The following CHRD variants were observed in gnomAD, a reference collection of about 807,000 sequenced individuals.
CHRD encodes chordin.
CHRD carries 69 observed loss-of-function variants against 113.7 expected under a neutral mutation model. That is an observed-to-expected ratio of 0.61 (90% confidence interval 0.50 to 0.74). The LOEUF is 0.74. Among genes scored for constraint, CHRD ranks in the 30% least tolerant of loss-of-function variants. The pLI, the probability that CHRD is intolerant of heterozygous loss-of-function variation, is 0.00. For missense variants in CHRD, 1,194 were observed against 1,295.8 expected (o/e 0.92, Z 1.21); for synonymous variants, 561 against 540.8 (o/e 1.04, Z -0.52).
At position 184,380,471 on chromosome 3, in the gene CHRD, G is replaced by T. The variant is rs1043394021; in HGVS notation, c.148+5G>T. ...TGCCCGTTCGGGGAGCGGCAGGTAG[G>T]TGGGCGCCCGGGGGAGGCGCGGGCG... On this transcript the variant is annotated splice_donor_5th_base_variant and intron_variant, in intron 1 of 22. Coordinates refer to ENST00000204604, the Ensembl canonical transcript of CHRD. This position sits in a 1 kb window ranked among gnomAD's most constrained non-coding sequence, Gnocchi z 6.3. The T allele has an allele frequency of 1.1e-4, 128 of 1,186,216 alleles. No individual in the cohort carries two copies. Among genetic ancestry groups the T allele is most frequent in the Non-Finnish European group, 1.3e-4 (127 of 956,256 alleles). 73.5% of individuals were successfully genotyped at this position (1,186,216 alleles called of 1,614,324 possible).
At position 184,383,658 on chromosome 3, in the gene CHRD, G is replaced by A. The variant is rs974909953; in HGVS notation, c.1440+16G>A. On this transcript the variant is annotated intron_variant, in intron 12 of 22. Coordinates refer to ENST00000204604, the Ensembl canonical transcript of CHRD. ...AGGACACACGGTGAGGGCTCCAGGT[G>A]GAGCTGGACCCCAGGGCCCAATGCA... 23 of 1,595,030 alleles carry A rather than the reference G, an allele frequency of 1.4e-5. No homozygotes were observed. The highest frequency in any genetic ancestry group is 2.2e-5 in the East Asian group (1 of 44,684).
chr3:184,384,873 TAA>T lies in CHRD; in HGVS notation c.1598-142_1598-141del. The T allele has an allele frequency of 2.5e-6, 3 of 1,198,630 alleles. No homozygotes were observed. Among genetic ancestry groups the T allele is most frequent in the Non-Finnish European group, 3.5e-6 (3 of 849,096 alleles). The allele number at this position is 1,198,630 out of a possible 1,614,324, so 74.2% of individuals were successfully genotyped here. On this transcript the variant is annotated intron_variant, in intron 13 of 22. Transcript: ENST00000204604. The surrounding 1 kb of genome is among the most constrained non-coding windows in gnomAD (Gnocchi z 4.4). ...TTCCTGTTGCTGAGGTTCAAGGGTC[TAA>T]AACTTGCTGCTCTCCAGGCCCTGGA...
At position 184,384,569 on chromosome 3, in the gene CHRD, AG is replaced by A; in HGVS notation, c.1477del (p.Ala493LeufsTer11). Reference sequence around the variant, plus strand: ...GTATCTGCCCTGGGCTGGGTGCCCGAGGGGCTCATATGCTGCTGCAGAATGA... The same window carrying A: ...GTATCTGCCCTGGGCTGGGTGCCCGAGGGCTCATATGCTGCTGCAGAATGA... On this transcript the variant is annotated frameshift_variant, in exon 13 of 23. Transcript: ENST00000204604. LOFTEE classifies it high-confidence loss of function. This position sits in a 1 kb window ranked among gnomAD's most constrained non-coding sequence, Gnocchi z 4.4. 1 of 1,592,500 alleles carries A rather than the reference AG, an allele frequency of 6.3e-7. No individual in the cohort carries two copies. The highest frequency in any genetic ancestry group is 8.5e-7 in the Non-Finnish European group (1 of 1,169,614).
Position 184,382,852 on chromosome 3 carries a change from G to T in CHRD, c.983-4G>T. Reference sequence around the variant, plus strand: ...CAGAAAGGCCCACATGTGCGGCCTTGCAGGACTAACCCAGGTTCCCTTGAG... The same window carrying T: ...CAGAAAGGCCCACATGTGCGGCCTTTCAGGACTAACCCAGGTTCCCTTGAG... On this transcript the variant is annotated splice_polypyrimidine_tract_variant and splice_region_variant and intron_variant, in intron 8 of 22. Transcript: ENST00000204604. The T allele has an allele frequency of 6.2e-7, 1 of 1,613,014 alleles. No individual in the cohort carries two copies. Among genetic ancestry groups the T allele is most frequent in the Non-Finnish European group, 8.5e-7 (1 of 1,179,258 alleles).
In CHRD at chr3:184,381,146, G is replaced by A; in HGVS notation, c.253-89G>A. The A allele has an allele frequency of 2.1e-6, 3 of 1,460,228 alleles. No homozygotes were observed. Among genetic ancestry groups the A allele is most frequent in the East Asian group, 2.3e-5 (1 of 44,204 alleles). The allele number at this position is 1,460,228 out of a possible 1,614,324, so 90.5% of individuals were successfully genotyped here. A position where few individuals can be genotyped will look rare whatever the true frequency, so the allele number is the denominator to read the frequency against. ...CACGCAGCTTGTAAGTGGCAGAGCT[G>A]GCTGACTCTGCGGGACATCCTTGCC... On this transcript the variant is annotated intron_variant, in intron 2 of 22. Transcript: ENST00000204604. The surrounding 1 kb of genome is among the most constrained non-coding windows in gnomAD (Gnocchi z 4.7).
At position 184,381,503 on chromosome 3, in the gene CHRD, C is replaced by T; in HGVS notation, c.390C>T (p.Ser130=). 6.3e-7 allele frequency: 1 copy of T among 1,596,808 alleles called. No individual in the cohort carries two copies. ...TTACCCCCCCGCCCGCAGAGCGCAGCAGTTCGGAGCGGCAGCCGAGCGGCC... is the reference window on the plus strand; with the variant it reads ...TTACCCCCCCGCCCGCAGAGCGCAGTAGTTCGGAGCGGCAGCCGAGCGGCC... Residue 130 remains serine (S), a synonymous_variant, in exon 4 of 23, where the codon AGC becomes AGT. Transcript: ENST00000204604. This position sits in a 1 kb window ranked among gnomAD's most constrained non-coding sequence, Gnocchi z 4.7.
Position 184,386,040 on chromosome 3 carries a change from G to T in CHRD, c.1819-6G>T, listed in dbSNP as rs1414728674. 8 of 1,614,006 alleles carry T rather than the reference G, an allele frequency of 5.0e-6. No homozygotes were observed. The Admixed American group carries it at 1.3e-4, about 27-fold the overall frequency. On this transcript the variant is annotated splice_region_variant and splice_polypyrimidine_tract_variant and intron_variant, in intron 14 of 22. Transcript: ENST00000204604. ...TATTCCTATCCATTGTCCTGTCTAT[G>T]TGCAGGCCCAGGGTGTGGTGAAGGA...
Position 184,385,278 on chromosome 3 carries a change from G to GT in CHRD, c.1818+46dup, listed in dbSNP as rs754848684. The GT allele has an allele frequency of 4.9e-5, 75 of 1,522,436 alleles. No individual in the cohort carries two copies. The East Asian group carries it at 7.0e-4, about 14-fold the overall frequency. The allele number at this position is 1,522,436 out of a possible 1,614,324, so 94.3% of individuals were successfully genotyped here. A position where few individuals can be genotyped will look rare whatever the true frequency, so the allele number is the denominator to read the frequency against. ...GTAGGCGGCAGCTTGGAACATTTCTGTTTTTTAGCTTGAAGGGCTGTGTGG... is the reference window on the plus strand; with the variant it reads ...GTAGGCGGCAGCTTGGAACATTTCTGTTTTTTTAGCTTGAAGGGCTGTGTGG... On this transcript the variant is annotated intron_variant, in intron 14 of 22. Transcript: ENST00000204604.
At position 184,384,647 on chromosome 3, in the gene CHRD, G is replaced by T; in HGVS notation, c.1551G>T (p.Gly517=). The change falls in exon 13 of 23, where the codon GGG becomes GGT. Residue 517 remains glycine (G), a synonymous_variant. Coordinates refer to ENST00000204604, the Ensembl canonical transcript of CHRD. This position sits in a 1 kb window ranked among gnomAD's most constrained non-coding sequence, Gnocchi z 4.4. ...ACTTCCCAGACGGAGAGCTTCGGGG[G>T]CACGTGGCTGCCCTGCCCTACTGTG... 3 of 1,602,062 alleles carry T rather than the reference G, an allele frequency of 1.9e-6. No individual in the cohort carries two copies. The highest frequency in any genetic ancestry group is 2.6e-6 in the Non-Finnish European group (3 of 1,173,924).
Position 184,388,830 on chromosome 3 carries a change from C to G in CHRD, c.2710-63C>G. On this transcript the variant is annotated intron_variant, in intron 21 of 22. Coordinates refer to ENST00000204604, the Ensembl canonical transcript of CHRD. The surrounding 1 kb of genome is among the most constrained non-coding windows in gnomAD (Gnocchi z 6.1). ...CTTCCCAGGGAGGTCCCTGAAGAAG[C>G]TGAAGGTCACTGTGTCCCAGTGCCT... 6.2e-7 allele frequency: 1 copy of G among 1,603,692 alleles called. No homozygotes were observed. Among genetic ancestry groups the G allele is most frequent in the South Asian group, 1.1e-5 (1 of 90,652 alleles).
exon 16 of CHRD, chr3:184,386,665 C>T (rs770677852): frequency 6.2e-7 from 1 of 1,612,210 alleles, no homozygotes; most frequent in South Asian, 1.1e-5. Context: ...CCCGAGACCC[C>T]AACACATGCT....
In CHRD at chr3:184,381,484, C is replaced by A. The variant is rs754172359; in HGVS notation, c.383-12C>A. ...CCAGCTGAAGCCCGTGTTCTTACCCCCCCGCCCGCAGAGCGCAGCAGTTCG... is the reference window on the plus strand; with the variant it reads ...CCAGCTGAAGCCCGTGTTCTTACCCACCCGCCCGCAGAGCGCAGCAGTTCG... On this transcript the variant is annotated splice_polypyrimidine_tract_variant and intron_variant, in intron 3 of 22. Transcript: ENST00000204604. The surrounding 1 kb of genome is among the most constrained non-coding windows in gnomAD (Gnocchi z 4.7). 1.3e-5 allele frequency: 20 copies of A among 1,584,808 alleles called. No homozygotes were observed. The highest frequency in any genetic ancestry group is 1.7e-5 in the Non-Finnish European group (20 of 1,166,092).
Position 184,387,297 on chromosome 3 carries a change from G to C in CHRD, c.2348-77G>C. The C allele has an allele frequency of 1.3e-6, 2 of 1,502,644 alleles. No homozygotes were observed. Among genetic ancestry groups the C allele is most frequent in the Non-Finnish European group, 1.8e-6 (2 of 1,106,662 alleles). 93.1% of individuals were successfully genotyped at this position (1,502,644 alleles called of 1,614,324 possible). A position where few individuals can be genotyped will look rare whatever the true frequency, so the allele number is the denominator to read the frequency against. On this transcript the variant is annotated intron_variant, in intron 18 of 22. Coordinates refer to ENST00000204604, the Ensembl canonical transcript of CHRD. This position sits in a 1 kb window ranked among gnomAD's most constrained non-coding sequence, Gnocchi z 6.1. ...CTTGGCTTAGGCTCGTGTGGGGGTG[G>C]CCTGAGGCTCAAGCCTTGGTTGTGG...
Position 184,388,992 on chromosome 3 carries a change from C to A in CHRD, c.2809C>A (p.Arg937=), listed in dbSNP as rs142339785. Residue 937 remains arginine (R), a synonymous_variant, in exon 22 of 23, where the codon CGG becomes AGG. Transcript: ENST00000204604. This position sits in a 1 kb window ranked among gnomAD's most constrained non-coding sequence, Gnocchi z 6.1. ...CTGTTCCCGCTGCACGGCCCACCGGCGGCGTAAGTGAGGGAGTCCAGGGTC... is the reference window on the plus strand; with the variant it reads ...CTGTTCCCGCTGCACGGCCCACCGGAGGCGTAAGTGAGGGAGTCCAGGGTC... The A allele has an allele frequency of 5.0e-6, 8 of 1,607,972 alleles. No individual in the cohort carries two copies. The South Asian group carries it at 7.7e-5, about 15-fold the overall frequency.
chr3:184,380,840 C>G lies in CHRD; in HGVS notation c.252+45C>G, dbSNP rs1199996871. The G allele has an allele frequency of 1.4e-6, 2 of 1,434,202 alleles. No homozygotes were observed. The highest frequency in any genetic ancestry group is 1.9e-6 in the Non-Finnish European group (2 of 1,071,674). 88.8% of individuals were successfully genotyped at this position (1,434,202 alleles called of 1,614,324 possible). ...GGCCCGGGCCCTGGCGGGTGGGGAGCGCCGGGTCGCGCGGGCGTCGGAGTG... is the reference window on the plus strand; with the variant it reads ...GGCCCGGGCCCTGGCGGGTGGGGAGGGCCGGGTCGCGCGGGCGTCGGAGTG... On this transcript the variant is annotated intron_variant, in intron 2 of 22. Transcript: ENST00000204604. The surrounding 1 kb of genome is among the most constrained non-coding windows in gnomAD (Gnocchi z 6.3).
chr3:184,384,398 C>G lies in CHRD; in HGVS notation c.1441-139C>G. On this transcript the variant is annotated intron_variant, in intron 12 of 22. Coordinates refer to ENST00000204604, the Ensembl canonical transcript of CHRD. The surrounding 1 kb of genome is among the most constrained non-coding windows in gnomAD (Gnocchi z 4.4). ...GAAGCAGCAGGGGAGGGCCTTGAAA[C>G]TGGGCCTGCCAGGTCCTTATCCTGT... is the stretch of plus-strand genomic sequence containing the variant. 2.9e-6 allele frequency: 3 copies of G among 1,029,706 alleles called. No homozygotes were observed. The highest frequency in any genetic ancestry group is 3.9e-6 in the Non-Finnish European group (3 of 774,286). 63.8% of individuals were successfully genotyped at this position (1,029,706 alleles called of 1,614,324 possible). A position where few individuals can be genotyped will look rare whatever the true frequency, so the allele number is the denominator to read the frequency against.
intron 14 of CHRD, among the ~76,000 whole-genome samples, chr3:184,385,666 CAAAAAAAA>C (rs533681477): frequency 5.1e-5 from 2 of 39,358 alleles, no homozygotes; most frequent in Non-Finnish European, 9.1e-5. Flanking sequence ...AAATCCGTCT[CAAAAAAAA>C]AAAAAAAAAA....
In CHRD at chr3:184,381,441, G is replaced by C. The variant is rs1005012756; in HGVS notation, c.383-55G>C. 3 of 1,596,950 alleles carry C rather than the reference G, an allele frequency of 1.9e-6. No individual in the cohort carries two copies. Among genetic ancestry groups the C allele is most frequent in the Non-Finnish European group, 2.6e-6 (3 of 1,172,096 alleles). ...CCCGGGCCACTTGGATGGGGCGTCG[G>C]ACTGGCCTTTCCCATGGCCAGCTGA... On this transcript the variant is annotated intron_variant, in intron 3 of 22. Transcript: ENST00000204604. This position sits in a 1 kb window ranked among gnomAD's most constrained non-coding sequence, Gnocchi z 4.7.
chr3:184,386,848 C>T lies in CHRD; in HGVS notation c.2200C>T (p.Arg734Ter), dbSNP rs1177348589. The T allele has an allele frequency of 2.5e-6, 4 of 1,614,152 alleles. No homozygotes were observed. The highest frequency in any genetic ancestry group is 1.3e-5 in the African/African-American group (1 of 75,064). The stretch of plus-strand genomic sequence containing the variant: ...ATGCCTCTGCTCCTCTCTGCAGAGA[C>T]GAACGGTGATCTGTGACCCGGTGGT... The change falls in exon 17 of 23, where the codon CGA becomes TGA. Residue 734 changes from arginine (R) to a stop codon, truncating the protein, a stop_gained. Transcript: ENST00000204604. LOFTEE classifies it high-confidence loss of function.
Sources: allele counts gnomAD v4.1 joint callset (sites outside exome capture counted in the v4.1 genomes callset), GRCh38; gene constraint gnomAD v4.1.1; non-coding constraint Gnocchi (gnomAD v3.1); transcripts MANE v1.5; gene names NCBI Gene and HGNC (gene_info 2026-07-23, HGNC 2026-07-21).